Variants in ACOXL observed in about 807,000 individuals in gnomAD.
ACOXL encodes the protein acyl-coenzyme A oxidase-like protein.
Under a neutral mutation model 71.9 loss-of-function variants are expected in ACOXL, and 70 were observed. That is an observed-to-expected ratio of 0.97 (90% confidence interval 0.80 to 1.19). The LOEUF is 1.19. Ranked by LOEUF, ACOXL falls within the 50% of genes most tolerant of loss-of-function variation. The pLI is 0.00. For synonymous variants in ACOXL, 253 were observed against 281.6 expected (o/e 0.90, Z 1.02); for missense variants, 703 against 736.3 (o/e 0.95, Z 0.52).
chr2:110,855,177 GA>G (rs1472661869), intron 10 of ACOXL, among the ~76,000 whole-genome samples: 5 of 152,152 alleles, frequency 3.3e-5, no homozygotes, highest in Admixed American at 6.5e-5. Flanking sequence ...AAGTGTAGAA[GA>G]AAAAAACTGA....
intron 12 of ACOXL, among the ~76,000 whole-genome samples, chr2:110,982,055 G>C (rs1340214941): frequency 1.3e-5 from 2 of 152,196 alleles, no homozygotes; most frequent in Admixed American, 6.5e-5. Context: ...AATTGTGCAT[G>C]ATTTTTTGCT....
chr2:110,832,979 G>A (rs1690026974), intron 9 of ACOXL, among the ~76,000 whole-genome samples: 1 of 152,212 alleles, frequency 6.6e-6, no homozygotes, highest in African/African-American at 2.4e-5. Flanking sequence ...TTTCTGGTGA[G>A]ATCATCAAGA....
Position 111,011,707 on chromosome 2 carries a change from A to G in ACOXL, c.1281+15703A>G, listed in dbSNP as rs575664580. ...AGACCAGCCTGACCAATCTGGCAAA[A>G]CCCTGTCTCTACTAAAAATACAAAA... On this transcript the variant is annotated intron_variant, in intron 14 of 17. Coordinates refer to ENST00000439055, the MANE Select transcript of ACOXL (RefSeq NM_001142807.4). 2.2e-4 allele frequency among the ~76,000 whole-genome samples: 34 copies of G among 152,068 alleles called. 1 individual carries two copies. Among genetic ancestry groups the G allele is most frequent in the African/African-American group, 7.7e-4 (32 of 41,470 alleles).
chr2:110,767,118 A>T (rs975479450), intron 1 of ACOXL, among the ~76,000 whole-genome samples: 1 of 152,098 alleles, frequency 6.6e-6, no homozygotes, highest in Admixed American at 6.5e-5. Flanking sequence ...AAGGTTTTCT[A>T]TTGTTAGGCC....
chr2:110,987,133 A>G lies in ACOXL; in HGVS notation c.1085A>G (p.Gln362Arg). ...GTTGTGGGGCGGGAACTGCTGGCCC[A>G]ATACACCAAACAGTATGAAGAAAAA... is the stretch of plus-strand genomic sequence containing the variant. Reference protein sequence around the residue: ...GMVVGRELLAQYTKQYEEKPL... With the variant: ...GMVVGRELLARYTKQYEEKPL... Residue 362 changes from glutamine to arginine, a missense_variant, in exon 13 of 18, where the codon CAA becomes CGA. Coordinates refer to ENST00000439055, the MANE Select transcript of ACOXL (RefSeq NM_001142807.4). The G allele has an allele frequency of 6.4e-7, 1 of 1,574,008 alleles. No individual in the cohort carries two copies. Among genetic ancestry groups the G allele is most frequent in the Non-Finnish European group, 8.6e-7 (1 of 1,156,548 alleles).
At chr2:111,057,425 G>T (rs1392887728) in intron 16 of ACOXL, among the ~76,000 whole-genome samples, 1 of 152,130 alleles carries the variant, frequency 6.6e-6, no homozygotes, top group African/African-American at 2.4e-5. Context: ...TCCTTCCTTG[G>T]CTCGGAAGAC....
At chr2:111,117,235 G>C (rs963580181) in intron 17 of ACOXL, among the ~76,000 whole-genome samples, 2 of 152,186 alleles carry the variant, frequency 1.3e-5, no homozygotes, top group Non-Finnish European at 2.9e-5. Context: ...AGGAGGGGAC[G>C]ACAGGGGAGG....
At chr2:110,923,906 A>C (rs2060173399) in intron 11 of ACOXL, among the ~76,000 whole-genome samples, 1 of 151,768 alleles carries the variant, frequency 6.6e-6, no homozygotes, top group South Asian at 2.1e-4. Context: ...ATTGTCATCT[A>C]GCCTGGGTGA....
intron 1 of ACOXL, among the ~76,000 whole-genome samples, chr2:110,740,943 G>A (rs752703205): frequency 5.3e-5 from 8 of 152,220 alleles, no homozygotes; most frequent in Non-Finnish European, 1.0e-4. Flanking sequence ...CCTGTCTAGG[G>A]GCCACAGAAA....
chr2:110,831,452 A>G (rs1689812654), intron 9 of ACOXL, among the ~76,000 whole-genome samples: 1 of 152,222 alleles, frequency 6.6e-6, no homozygotes, highest in African/African-American at 2.4e-5. Context: ...GAAACCAAAG[A>G]AGATTCAAAG....
chr2:111,027,259 G>A (rs553938322), intron 14 of ACOXL, among the ~76,000 whole-genome samples: 3 of 151,760 alleles, frequency 2.0e-5, no homozygotes, highest in African/African-American at 7.3e-5. Context: ...GCTAAGTTCT[G>A]TCTATGTGTG....
intron 17 of ACOXL, among the ~76,000 whole-genome samples, chr2:111,106,848 T>G (rs2069567945): frequency 6.6e-6 from 1 of 152,180 alleles, no homozygotes; most frequent in Non-Finnish European, 1.5e-5. Flanking sequence ...TCCACTGACA[T>G]CTCACTGATG....
chr2:110,900,120 C>T (rs1433558445), intron 10 of ACOXL, among the ~76,000 whole-genome samples: 1 of 104,712 alleles, frequency 9.6e-6, no homozygotes, highest in Non-Finnish European at 2.3e-5. Context: ...CACACACACA[C>T]ACACACACAC....
intron 9 of ACOXL, among the ~76,000 whole-genome samples, chr2:110,835,826 T>TA (rs1164319870): frequency 2.0e-5 from 3 of 152,162 alleles, no homozygotes; most frequent in Non-Finnish European, 1.5e-5. Flanking sequence ...TGTGACTCAG[T>TA]AGGTCTGGGT....
At chr2:111,092,551 A>G (rs2068584005) in intron 16 of ACOXL, among the ~76,000 whole-genome samples, 1 of 152,218 alleles carries the variant, frequency 6.6e-6, no homozygotes, top group Admixed American at 6.5e-5. Context: ...GGGCTAGAGG[A>G]GAACCAGGTA....
intron 1 of ACOXL, among the ~76,000 whole-genome samples, chr2:110,754,703 G>C (rs1252707863): frequency 6.6e-6 from 1 of 152,176 alleles, no homozygotes; most frequent in Admixed American, 6.5e-5. Context: ...CCATTGTATG[G>C]ATGTGTCACA....
At chr2:110,921,395 C>A (rs928147963) in intron 11 of ACOXL, among the ~76,000 whole-genome samples, 6 of 126,060 alleles carry the variant, frequency 4.8e-5, no homozygotes, top group African/African-American at 8.5e-5. Flanking sequence ...TCCACCCCCC[C>A]CCCCCTTTTT....
intron 10 of ACOXL, among the ~76,000 whole-genome samples, chr2:110,883,602 C>T (rs189819684): frequency 6.6e-6 from 1 of 152,316 alleles, no homozygotes; most frequent in East Asian, 1.9e-4. Flanking sequence ...GCCTGCCTCT[C>T]CAGCATCATC....
At chr2:110,794,641 CG>C (rs1445652784) in intron 5 of ACOXL, among the ~76,000 whole-genome samples, 1 of 152,138 alleles carries the variant, frequency 6.6e-6, no homozygotes, top group Non-Finnish European at 1.5e-5. Flanking sequence ...TGTCCCTTAC[CG>C]TGACCTGCAC....
Sources: allele counts gnomAD v4.1 joint callset (sites outside exome capture counted in the v4.1 genomes callset), GRCh38; gene constraint gnomAD v4.1.1; transcripts MANE v1.5; gene names NCBI Gene and HGNC (gene_info 2026-07-23, HGNC 2026-07-21).